Variants in TNIP3 observed in about 807,000 individuals in gnomAD.
TNIP3 encodes TNFAIP3-interacting protein 3.
TNIP3 carries 34 observed loss-of-function variants against 54.1 expected under a neutral mutation model. The ratio of observed to expected loss-of-function variants is 0.63; its 90% CI spans 0.48 to 0.84. TNIP3 has a LOEUF of 0.84. Ranked by LOEUF, TNIP3 falls within the 40% of genes least tolerant of loss-of-function variation. TNIP3 has a pLI of 0.00. For synonymous variants in TNIP3, 134 were observed against 136.8 expected (o/e 0.98, Z 0.14); for missense variants, 366 against 387.6 (o/e 0.94, Z 0.47).
chr4:121,182,265 C>G (rs1724757032), intron 3 of TNIP3, among the ~76,000 whole-genome samples: 1 of 152,092 alleles, frequency 6.6e-6, no homozygotes. Context: ...TGAAACCTTG[C>G]TTTTTCTTAC....
chr4:121,199,871 G>A (rs901079645), intron 2 of TNIP3, among the ~76,000 whole-genome samples: 3 of 152,182 alleles, frequency 2.0e-5, no homozygotes, highest in Non-Finnish European at 4.4e-5. Flanking sequence ...AACAGCACAT[G>A]GCTTAGGAGC....
chr4:121,205,295 A>C (rs569914249), intron 2 of TNIP3, among the ~76,000 whole-genome samples: 5 of 152,276 alleles, frequency 3.3e-5, no homozygotes, highest in African/African-American at 1.2e-4. Flanking sequence ...GCCAGTGCAA[A>C]ATCTCTAAGG....
Position 121,142,770 on chromosome 4 carries a change from C to G in TNIP3, c.742G>C (p.Ala248Pro). 6.2e-7 allele frequency: 1 copy of G among 1,612,016 alleles called. No homozygotes were observed. The highest frequency in any genetic ancestry group is 1.1e-5 in the South Asian group (1 of 90,910). The change falls in exon 8 of 11, where the codon GCT becomes CCT. Residue 248 changes from alanine to proline, a missense_variant. Transcript: ENST00000057513. ...QLNRLNSQIK[A>P]CQMEKEKLEK... ...AGTTTTTCTTTCTCCATCTGACAAGCTTTTATCTAAAGACAAAACAAAGGC... is the reference window on the plus strand; with the variant it reads ...AGTTTTTCTTTCTCCATCTGACAAGGTTTTATCTAAAGACAAAACAAAGGC...
At chr4:121,143,807 T>A (rs115416600) in intron 7 of TNIP3, among the ~76,000 whole-genome samples, 1,773 of 152,330 alleles carry the variant, frequency 0.012, 31 homozygotes, top group African/African-American at 0.04. Context: ...AAGAGTACTA[T>A]AACATGTCTT....
At chr4:121,222,698 G>C (rs1194624989) in intron 1 of TNIP3, among the ~76,000 whole-genome samples, 1 of 151,842 alleles carries the variant, frequency 6.6e-6, no homozygotes, top group Non-Finnish European at 1.5e-5. Context: ...TGTAGAGAAA[G>C]CGATTTTTAT....
rs375268665 is a variant in TNIP3, at chr4:121,192,104, C to T, written c.69-9308G>A. Among the ~76,000 whole-genome samples the T allele has an allele frequency of 2.7e-4, 41 of 152,170 alleles. No homozygotes were observed. In the South Asian group the frequency reaches 7.9e-3, roughly 29 times the overall value. On this transcript the variant is annotated intron_variant, in intron 2 of 12. Transcript: ENST00000507879. ...TTTTTTCACATCTATATTGGAATTT[C>T]CTTTCAAGACATGATTACAAGTCTT...
At chr4:121,208,729 T>C (rs1726317867) in intron 2 of TNIP3, among the ~76,000 whole-genome samples, 2 of 152,200 alleles carry the variant, frequency 1.3e-5, no homozygotes, top group African/African-American at 4.8e-5. Context: ...AAATACATTC[T>C]TTGTCTCTGG....
At chr4:121,181,928 A>C (rs2148826931) in intron 3 of TNIP3, among the ~76,000 whole-genome samples, 1 of 152,328 alleles carries the variant, frequency 6.6e-6, no homozygotes, top group South Asian at 2.1e-4. Flanking sequence ...CATTTTCAAC[A>C]CTGAGTAAGA....
intron 2 of TNIP3, among the ~76,000 whole-genome samples, chr4:121,185,419 A>G (rs1232627006): frequency 6.6e-6 from 1 of 152,084 alleles, no homozygotes; most frequent in African/African-American, 2.4e-5. Flanking sequence ...TTGTCCCTTA[A>G]TTCTGTTTTA....
intron 3 of TNIP3, among the ~76,000 whole-genome samples, chr4:121,175,079 T>A (rs939738847): frequency 6.6e-6 from 1 of 152,240 alleles, no homozygotes; most frequent in Non-Finnish European, 1.5e-5. Flanking sequence ...ACAACTCTTA[T>A]GAACATGTTA....
chr4:121,165,150 C>A (rs564871616), upstream of TNIP3, among the ~76,000 whole-genome samples: 11 of 151,564 alleles, frequency 7.3e-5, no homozygotes, highest in Admixed American at 7.3e-4. Flanking sequence ...CATTAACCTG[C>A]CTACGAGATA....
chr4:121,176,609 T>G lies in TNIP3; in HGVS notation c.189+6067A>C, dbSNP rs999220199. On this transcript the variant is annotated intron_variant, in intron 3 of 12. Transcript: ENST00000507879. ...TTACAGGGTGCACTTTCTCTCACTT[T>G]GTATAATTATCACAACCCATTGTAC... Among the ~76,000 whole-genome samples the G allele has an allele frequency of 3.9e-5, 6 of 151,998 alleles. No individual in the cohort carries two copies. The South Asian group carries it at 1.2e-3, about 32-fold the overall frequency.
At chr4:121,154,713 C>A in intron 4 of TNIP3, 34 bp from the exon 5 acceptor site, 2 of 1,559,744 alleles carry the variant, frequency 1.3e-6, no homozygotes, top group South Asian at 2.4e-5. Context: ...AAATAAAAGT[C>A]AGTACAAGTC....
At chr4:121,145,314 C>G (rs957130334) in intron 7 of TNIP3, among the ~76,000 whole-genome samples, 1 of 152,064 alleles carries the variant, frequency 6.6e-6, no homozygotes, top group Admixed American at 6.5e-5. Context: ...AATGATTGAG[C>G]TTTCATTATT....
chr4:121,154,940 A>T (rs1729994480), intron 4 of TNIP3, among the ~76,000 whole-genome samples: 1 of 142,154 alleles, frequency 7.0e-6, no homozygotes, highest in Admixed American at 7.2e-5. Context: ...TGACCCCAGG[A>T]AAAAAAAAAT....
intron 2 of TNIP3, chr4:121,216,377 T>G (rs1447522158): frequency 2.0e-6 from 3 of 1,465,838 alleles, no homozygotes; most frequent in African/African-American, 2.8e-5. Context: ...AGAATATTAG[T>G]ATTAGAAGCA....
chr4:121,137,221 T>C (rs777029431), intron 10 of TNIP3, among the ~76,000 whole-genome samples: 3 of 152,194 alleles, frequency 2.0e-5, no homozygotes, highest in Non-Finnish European at 4.4e-5. Flanking sequence ...GAAAATATCT[T>C]TAATAGTCAT....
chr4:121,135,583 G>T (rs766694926), intron 10 of TNIP3, among the ~76,000 whole-genome samples: 2 of 152,060 alleles, frequency 1.3e-5, no homozygotes, highest in Non-Finnish European at 2.9e-5. Context: ...TTTTTTTGTA[G>T]AGACAGGGTT....
At chr4:121,180,495 G>C (rs140622848) in intron 3 of TNIP3, among the ~76,000 whole-genome samples, 6 of 152,320 alleles carry the variant, frequency 3.9e-5, no homozygotes, top group African/African-American at 1.2e-4. Flanking sequence ...CAAGTGAAAA[G>C]TAAAATGCAA....
Sources: allele counts gnomAD v4.1 joint callset (sites outside exome capture counted in the v4.1 genomes callset), GRCh38; gene constraint gnomAD v4.1.1; transcripts MANE v1.5; gene names NCBI Gene and HGNC (gene_info 2026-07-23, HGNC 2026-07-21).